The following CBLN2 variants were observed in gnomAD, a reference collection of about 807,000 sequenced individuals.
The protein encoded by CBLN2 is cerebellin-2.
Under a neutral mutation model 15.0 loss-of-function variants are expected in CBLN2, and 7 were observed. The observed-to-expected ratio is 0.47, with a 90% CI of 0.27 to 0.88. The LOEUF (loss-of-function observed/expected upper bound fraction) is 0.88. CBLN2 is among the 40% of genes least tolerant of loss of function. CBLN2 has a pLI of 0.14. For synonymous variants in CBLN2, 149 were observed against 135.2 expected (o/e 1.10, Z -0.71); for missense variants, 242 against 304.5 (o/e 0.79, Z 1.53).
At chr18:72,562,747 A>C (rs1480954522) in intron 1 of CBLN2, among the ~76,000 whole-genome samples, 1 of 152,232 alleles carries the variant, frequency 6.6e-6, no homozygotes, top group African/African-American at 2.4e-5. Context: ...TAGTCTGCCA[A>C]GTATAATTTA....
chr18:72,540,489 A>G (rs1053375884), intron 3 of CBLN2, among the ~76,000 whole-genome samples: 3 of 152,222 alleles, frequency 2.0e-5, no homozygotes, highest in African/African-American at 7.2e-5. Flanking sequence ...AATGCTATGA[A>G]AACTTTGCAA....
Position 72,610,894 on chromosome 18 carries a change from C to T in CBLN2, c.15+27431G>A, listed in dbSNP as rs374171073. Among the ~76,000 whole-genome samples, 27 of 152,110 alleles carry T rather than the reference C, an allele frequency of 1.8e-4. No individual in the cohort carries two copies. The East Asian group carries it at 1.9e-3, about 11-fold the overall frequency. ...ATAGTTAGTATTTCAACCCTTACCT[C>T]CCTTCCACCTCTAGTAATCCCCAGT... On this transcript the variant is annotated intron_variant, in intron 1 of 2. Coordinates refer to the CBLN2 transcript ENST00000581073.
chr18:72,584,368 G>A lies in CBLN2; in HGVS notation c.16-45596C>T, dbSNP rs144652380. On this transcript the variant is annotated intron_variant, in intron 1 of 2. Transcript: ENST00000581073. The stretch of plus-strand genomic sequence containing the variant: ...TGCTCTGTCACCAGGCTGGAGTGCA[G>A]TGGTGCAATCTCAGCTCACTGCAAC... Among the ~76,000 whole-genome samples, 844 of 151,550 alleles carry A rather than the reference G, an allele frequency of 5.6e-3. 6 individuals carry two copies. Among genetic ancestry groups the A allele is most frequent in the African/African-American group, 0.018 (733 of 41,226 alleles).
intron 1 of CBLN2, among the ~76,000 whole-genome samples, chr18:72,602,356 G>T (rs1446333105): frequency 6.6e-6 from 1 of 152,162 alleles, no homozygotes; most frequent in South Asian, 2.1e-4. Context: ...CAGCATCCCC[G>T]TGCTGTCACT....
At chr18:72,589,967 T>C (rs561311974) in intron 1 of CBLN2, among the ~76,000 whole-genome samples, 5 of 151,942 alleles carry the variant, frequency 3.3e-5, no homozygotes, top group Non-Finnish European at 7.4e-5. Context: ...ACCCTATCTC[T>C]ACTAAAAATA....
At chr18:72,600,727 A>G (rs911102083) in intron 1 of CBLN2, among the ~76,000 whole-genome samples, 4 of 152,198 alleles carry the variant, frequency 2.6e-5, no homozygotes, top group South Asian at 2.1e-4. Flanking sequence ...AGAAGGGGTT[A>G]TTACTCAAAT....
chr18:72,626,948 C>A (rs970788609), intron 1 of CBLN2, among the ~76,000 whole-genome samples: 11 of 152,140 alleles, frequency 7.2e-5, no homozygotes, highest in Non-Finnish European at 1.3e-4. Flanking sequence ...GTTTGCTTGC[C>A]CGTGTTTGAA....
Position 72,555,209 on chromosome 18 carries a change from G to A in CBLN2, c.16-16437C>T, listed in dbSNP as rs575145485. Among the ~76,000 whole-genome samples, 9 of 152,210 alleles carry A rather than the reference G, an allele frequency of 5.9e-5. No homozygotes were observed. The South Asian group carries it at 1.7e-3, about 28-fold the overall frequency. ...AGCAAATAACTGAAGGCACAATGCCGTGTTTAAAATAGGGACAGGGCTTCA... is the reference window on the plus strand; with the variant it reads ...AGCAAATAACTGAAGGCACAATGCCATGTTTAAAATAGGGACAGGGCTTCA... On this transcript the variant is annotated intron_variant, in intron 1 of 2. Coordinates refer to the CBLN2 transcript ENST00000581073.
At chr18:72,618,471 G>A (rs938538780) in intron 1 of CBLN2, 72 of 665,180 alleles carry the variant, frequency 1.1e-4, no homozygotes, top group Non-Finnish European at 1.9e-4. Context: ...GGAGGAGGTG[G>A]ATGCAGCCAT....
chr18:72,563,106 A>T (rs1349445888), intron 1 of CBLN2, among the ~76,000 whole-genome samples: 1 of 152,260 alleles, frequency 6.6e-6, no homozygotes, highest in African/African-American at 2.4e-5. Flanking sequence ...ATGCTCTCTC[A>T]CACAAAGACA....
In CBLN2 at chr18:72,543,496, C is replaced by G; in HGVS notation, c.-177G>C. On this transcript the variant is annotated 5_prime_UTR_variant, in exon 2 of 5. It removes an upstream start codon present in the reference 5' UTR. Coordinates refer to ENST00000269503, the MANE Select transcript of CBLN2 (RefSeq NM_182511.4). The surrounding 1 kb of genome is among the most constrained non-coding windows in gnomAD (Gnocchi z 6.8). ...GTCGGGGGTGGTTACCTGGAACATC[C>G]ATGCTGGGCGAGCTCCGCTGTCCGC... 2.5e-6 allele frequency: 1 copy of G among 398,800 alleles called. No homozygotes were observed. 24.7% of individuals were successfully genotyped at this position (398,800 alleles called of 1,614,324 possible). A position where few individuals can be genotyped will look rare whatever the true frequency, so the allele number is the denominator to read the frequency against.
chr18:72,637,277 C>T (rs1470327109), intron 1 of CBLN2, among the ~76,000 whole-genome samples: 1 of 18,530 alleles, frequency 5.4e-5, no homozygotes, highest in Non-Finnish European at 1.5e-4. Flanking sequence ...TGCCACAGAA[C>T]AAGCAAAAAA....
chr18:72,631,047 A>G (rs1435575950), intron 1 of CBLN2: 2 of 152,188 alleles, frequency 1.3e-5, no homozygotes, highest in Admixed American at 1.3e-4. Context: ...TCTCTCTCTA[A>G]GAAAATGGGT....
At chr18:72,614,266 T>G (rs933765604) in intron 1 of CBLN2, among the ~76,000 whole-genome samples, 1 of 152,190 alleles carries the variant, frequency 6.6e-6, no homozygotes, top group African/African-American at 2.4e-5. Flanking sequence ...ACACATTGAT[T>G]TAAATAAATT....
At chr18:72,549,039 T>C (rs916865667), upstream of CBLN2, among the ~76,000 whole-genome samples, 1 of 151,976 alleles carries the variant, frequency 6.6e-6, no homozygotes, top group African/African-American at 2.4e-5. Flanking sequence ...TTTAATGGAG[T>C]CTTGCTCTGT....
chr18:72,570,791 C>A (rs2069327788), intron 1 of CBLN2, among the ~76,000 whole-genome samples: 1 of 152,102 alleles, frequency 6.6e-6, no homozygotes, highest in Non-Finnish European at 1.5e-5. Flanking sequence ...AACAAGAAGG[C>A]AGAGTGTGCC....
intron 1 of CBLN2, among the ~76,000 whole-genome samples, chr18:72,582,016 C>T (rs2069409183): frequency 1.3e-5 from 2 of 152,116 alleles, no homozygotes; most frequent in South Asian, 4.1e-4. Flanking sequence ...GCCTTTCCTC[C>T]ACTGCTTCGA....
chr18:72,569,497 G>A (rs2069316695), intron 1 of CBLN2, among the ~76,000 whole-genome samples: 1 of 152,118 alleles, frequency 6.6e-6, no homozygotes, highest in Admixed American at 6.5e-5. Flanking sequence ...TTACAATAAA[G>A]GAATACCTGA....
chr18:72,538,421 C>A, intron 4 of CBLN2, 48 bp from the exon 5 acceptor site: 1 of 1,588,150 alleles, frequency 6.3e-7, no homozygotes, highest in South Asian at 1.1e-5. Context: ...CACCCAACTC[C>A]CACACACTGT....
Sources: allele counts gnomAD v4.1 joint callset (sites outside exome capture counted in the v4.1 genomes callset), GRCh38; gene constraint gnomAD v4.1.1; non-coding constraint Gnocchi (gnomAD v3.1); transcripts MANE v1.5; gene names NCBI Gene and HGNC (gene_info 2026-07-23, HGNC 2026-07-21).